MBTPS1: variants seen among roughly 807,000 people sequenced by gnomAD.
MBTPS1 encodes the protein membrane-bound transcription factor site-1 protease.
In MBTPS1, 94 loss-of-function variants were observed where a neutral mutation model predicts 127.8. The observed-to-expected ratio is 0.74, with a 90% confidence interval of 0.62 to 0.87. MBTPS1 has a LOEUF of 0.87. MBTPS1 is among the 40% of genes least tolerant of loss of function. MBTPS1 has a pLI of 0.00. For missense variants in MBTPS1, 1,636 were observed against 1,353.2 expected (o/e 1.21, Z -3.28); for synonymous variants, 632 against 509.4 (o/e 1.24, Z -3.24).
At chr16:84,065,026 T>G (rs947170006) in intron 18 of MBTPS1, among the ~76,000 whole-genome samples, 5 of 152,218 alleles carry the variant, frequency 3.3e-5, no homozygotes, top group African/African-American at 4.8e-5. Context: ...TCTTGTACAT[T>G]TTCATTTTTC....
intron 11 of MBTPS1, among the ~76,000 whole-genome samples, chr16:84,077,667 TC>T (rs1354014158): frequency 6.6e-5 from 10 of 152,182 alleles, no homozygotes; most frequent in Admixed American, 6.5e-4. Context: ...GGTGAATTTC[TC>T]TTTTACCTCC....
In MBTPS1 at chr16:84,054,356, C is replaced by G. The variant is rs2085483894; in HGVS notation, c.*93G>C. On this transcript the variant is annotated 3_prime_UTR_variant, in exon 23 of 23. Transcript: ENST00000343411. The stretch of plus-strand genomic sequence containing the variant: ...ACAAACCTGCAGCTGGAAACTGGAT[C>G]CCTTTTAAACCAGCCGCCACCACAG... 8.7e-7 allele frequency: 1 copy of G among 1,152,674 alleles called. No individual in the cohort carries two copies. The highest frequency in any genetic ancestry group is 2.9e-5 in the Admixed American group (1 of 34,268). The allele number at this position is 1,152,674 out of a possible 1,614,324, so 71.4% of individuals were successfully genotyped here. A position where few individuals can be genotyped will look rare whatever the true frequency, so the allele number is the denominator to read the frequency against.
chr16:84,059,682 A>C, intron 20 of MBTPS1: 1 of 332,502 alleles, frequency 3.0e-6, no homozygotes, highest in Non-Finnish European at 5.7e-6. Context: ...AGATGTGTGC[A>C]CAGCACTGGC....
At chr16:84,057,061 G>A (rs1026844658) in intron 21 of MBTPS1, 7 of 152,210 alleles carry the variant, frequency 4.6e-5, no homozygotes, top group African/African-American at 1.4e-4. Flanking sequence ...AAGCAAAGAC[G>A]TCCAGTCCTA....
At chr16:84,100,516 C>A (rs1406631269) in intron 2 of MBTPS1, among the ~76,000 whole-genome samples, 2 of 152,020 alleles carry the variant, frequency 1.3e-5, no homozygotes, top group African/African-American at 4.8e-5. Flanking sequence ...TGCACTCCAG[C>A]CTGGGCAACA....
chr16:84,069,333 G>C (rs377530972), intron 14 of MBTPS1, among the ~76,000 whole-genome samples: 30 of 152,304 alleles, frequency 2.0e-4, no homozygotes, highest in African/African-American at 6.5e-4. Context: ...GCTTCTGAAG[G>C]GCTGCATGGG....
chr16:84,095,804 A>G lies in MBTPS1; in HGVS notation c.423T>C (p.Ser141=). The part of the protein sequence containing the change: ...KVFRSLKYAE[S]DPTVPCNETR... ...TTTCATTGCAGGGTACTGTGGGGTC[A>G]GCTACAGGCAAGGGAGAGAAAGATC... The change falls in exon 4 of 23, where the codon TCT becomes TCC. Residue 141 remains serine, a splice_region_variant and synonymous_variant. Transcript: ENST00000343411. 1 of 1,613,098 alleles carries G rather than the reference A, an allele frequency of 6.2e-7. No individual in the cohort carries two copies. The highest frequency in any genetic ancestry group is 8.5e-7 in the Non-Finnish European group (1 of 1,179,568).
rs368130776 is a variant in MBTPS1, at chr16:84,097,074, G to A, written c.422-1269C>T. ...CTGGAGAGAAAAAATTGCCAAAAGGGACACACCATGGGTATCTTCAAATAT... is the reference window on the plus strand; with the variant it reads ...CTGGAGAGAAAAAATTGCCAAAAGGAACACACCATGGGTATCTTCAAATAT... On this transcript the variant is annotated intron_variant, in intron 3 of 22. Coordinates refer to ENST00000343411, the MANE Select transcript of MBTPS1 (RefSeq NM_003791.4). 9.3e-4 allele frequency among the ~76,000 whole-genome samples: 141 copies of A among 152,256 alleles called. 4 individuals are homozygous for A. In the South Asian group the frequency reaches 0.027, roughly 29 times the overall value.
chr16:84,093,987 G>A (rs751831160), intron 4 of MBTPS1, among the ~76,000 whole-genome samples, 166 bp from the exon 5 acceptor site: 2 of 152,200 alleles, frequency 1.3e-5, no homozygotes, highest in African/African-American at 4.8e-5. Flanking sequence ...AGGGTCAGCT[G>A]GCTGAGCCAA....
chr16:84,068,674 G>A (rs1460671030), intron 14 of MBTPS1, among the ~76,000 whole-genome samples: 3 of 152,202 alleles, frequency 2.0e-5, no homozygotes. Context: ...CCTGGCAGGT[G>A]CATGAAAGAG....
In MBTPS1 at chr16:84,087,473, C is replaced by CAAAAAAAAAAAAAAAAAAAAAAAAAAAAA; in HGVS notation, c.1032-14_1032-13insTTTTTTTTTTTTTTTTTTTTTTTTTTTTT. On this transcript the variant is annotated splice_polypyrimidine_tract_variant and intron_variant, in intron 8 of 22. Transcript: ENST00000343411. ...GTTATTCAGAGTGCTATATTGAGACCAAAAAAAAAAAAAAAGAAAAGAAAA... is the reference window on the plus strand; with the variant it reads ...GTTATTCAGAGTGCTATATTGAGACCAAAAAAAAAAAAAAAAAAAAAAAAAAAAAAAAAAAAAAAAAAAAGAAAAGAAAA... The CAAAAAAAAAAAAAAAAAAAAAAAAAAAAA allele has an allele frequency of 9.7e-7, 1 of 1,036,172 alleles. No individual in the cohort carries two copies. The highest frequency in any genetic ancestry group is 1.9e-5 in the African/African-American group (1 of 53,958). The allele number at this position is 1,036,172 out of a possible 1,614,324, so 64.2% of individuals were successfully genotyped here.
intron 1 of MBTPS1, among the ~76,000 whole-genome samples, chr16:84,108,166 C>A (rs1300647043): frequency 6.6e-6 from 1 of 152,100 alleles, no homozygotes; most frequent in Non-Finnish European, 1.5e-5. Flanking sequence ...GCACACTTCC[C>A]AAGATGGGCT....
intron 9 of MBTPS1, chr16:84,086,635 T>G (rs1007598342): frequency 1.3e-5 from 2 of 152,054 alleles, no homozygotes; most frequent in African/African-American, 4.8e-5. Context: ...TCCCAGGCAG[T>G]TGGGAATCTT....
chr16:84,099,354 C>A, intron 2 of MBTPS1, 44 bp from the exon 3 acceptor site: 1 of 1,585,694 alleles, frequency 6.3e-7, no homozygotes, highest in Non-Finnish European at 8.6e-7. Context: ...TACGCACATA[C>A]ATTATAACAT....
chr16:84,056,211 T>C, intron 21 of MBTPS1, 76 bp from the exon 22 acceptor site: 1 of 1,292,722 alleles, frequency 7.7e-7, no homozygotes, highest in South Asian at 1.3e-5. Flanking sequence ...GAAGTTCAAC[T>C]GAAACTCAAG....
At position 84,063,291 on chromosome 16, in the gene MBTPS1, T is replaced by A; in HGVS notation, c.2572+14A>T. The stretch of plus-strand genomic sequence containing the variant: ...GAGTGCCGAAGTCACAAAGTCCATC[T>A]GCGTTTTTCCTACCCTTCTGTCGGT... On this transcript the variant is annotated intron_variant, in intron 19 of 22. Transcript: ENST00000343411. 1 of 1,602,662 alleles carries A rather than the reference T, an allele frequency of 6.2e-7. No homozygotes were observed.
At chr16:84,072,563 G>A (rs184927674) in intron 12 of MBTPS1, among the ~76,000 whole-genome samples, 17 of 152,260 alleles carry the variant, frequency 1.1e-4, no homozygotes, top group African/African-American at 2.2e-4. Flanking sequence ...AGGGCAAGGC[G>A]GGAGGGTCAT....
In MBTPS1 at chr16:84,093,752, T is replaced by A. The variant is rs1378128211; in HGVS notation, c.695A>T (p.Lys232Met). The A allele has an allele frequency of 6.2e-7, 1 of 1,614,072 alleles. No individual in the cohort carries two copies. Among genetic ancestry groups the A allele is most frequent in the East Asian group, 2.2e-5 (1 of 44,894 alleles). The change falls in exon 5 of 23, where the codon AAG becomes ATG. Residue 232 changes from lysine to methionine, a missense_variant. Physicochemically the swap from Lys to Met is moderately conservative, Grantham distance 95. Transcript: ENST00000343411. ...CTCGTTGGTCCAGTTGGTTCTCTCC[T>A]TCACATTTTTGAAGTGGGGATGCTT... ...SEKHPHFKNV[K>M]ERTNWTNERT... is the part of the protein sequence containing the mutation.
intron 1 of MBTPS1, chr16:84,109,542 G>C (rs1011688834): frequency 1.3e-5 from 2 of 152,212 alleles, no homozygotes; most frequent in African/African-American, 4.8e-5. Flanking sequence ...ACTGAGAAGA[G>C]CCGGCATCAC....
Sources: allele counts gnomAD v4.1 joint callset (sites outside exome capture counted in the v4.1 genomes callset), GRCh38; gene constraint gnomAD v4.1.1; transcripts MANE v1.5; gene names NCBI Gene and HGNC (gene_info 2026-07-23, HGNC 2026-07-21).